Variants in UTP20 observed in about 807,000 individuals in gnomAD.
UTP20 encodes the protein small subunit processome component 20 homolog.
UTP20 carries 164 observed loss-of-function variants against 329.5 expected under a neutral mutation model. The observed-to-expected ratio is 0.50, with a 90% CI of 0.44 to 0.57. The LOEUF (loss-of-function observed/expected upper bound fraction) is 0.57, where lower values mean the gene tolerates loss of function less well. Among genes scored for constraint, UTP20 ranks in the 20% least tolerant of loss-of-function variants. UTP20 has a pLI of 0.00. For missense variants in UTP20, 3,055 were observed against 3,284.2 expected (o/e 0.93, Z 1.71); for synonymous variants, 1,151 against 1,159.3 (o/e 0.99, Z 0.14).
intron 40 of UTP20, 32 bp downstream of exon 40, chr12:101,353,161 T>G (rs1798855791): frequency 2.1e-6 from 3 of 1,445,208 alleles, no homozygotes; most frequent in Non-Finnish European, 2.9e-6. Flanking sequence ...AAACAAGATT[T>G]TCATCTTATT....
intron 28 of UTP20, 108 bp from the exon 29 acceptor site, chr12:101,334,317 C>T: frequency 4.6e-6 from 4 of 877,920 alleles, no homozygotes; most frequent in East Asian, 2.7e-5. Context: ...ATCTCTGTCC[C>T]TTGTCTTTTT....
chr12:101,385,905 T>C (rs1290579679), intron 61 of UTP20, 63 bp from the exon 62 acceptor site: 6 of 1,462,452 alleles, frequency 4.1e-6, no homozygotes, highest in Non-Finnish European at 5.5e-6. Flanking sequence ...ATTTCTGTAT[T>C]TGATTCTTAT....
Position 101,311,801 on chromosome 12 carries a change from A to G in UTP20, c.2311+3A>G. 6.2e-7 allele frequency: 1 copy of G among 1,609,758 alleles called. No homozygotes were observed. Among genetic ancestry groups the G allele is most frequent in the Non-Finnish European group, 8.5e-7 (1 of 1,178,934 alleles). ...AGAAAAAGCAGCTACGCATGCTGGT[A>G]TGTAAAGGGGTTGTGAGGAAGCTGC... On this transcript the variant is annotated splice_donor_region_variant and intron_variant, in intron 20 of 61. Transcript: ENST00000261637.
At chr12:101,283,016 T>A (rs1482656099) in intron 2 of UTP20, among the ~76,000 whole-genome samples, 1 of 152,224 alleles carries the variant, frequency 6.6e-6, no homozygotes, top group Non-Finnish European at 1.5e-5. Flanking sequence ...AAAGATAAGA[T>A]AATTAGTTCC....
intron 29 of UTP20, among the ~76,000 whole-genome samples, chr12:101,336,277 G>A (rs1868932261): frequency 6.6e-6 from 1 of 152,140 alleles, no homozygotes; most frequent in Non-Finnish European, 1.5e-5. Flanking sequence ...CCTTCAATGG[G>A]AATGTTACTT....
chr12:101,375,003 A>T (rs183154155), intron 55 of UTP20, 64 bp downstream of exon 55: 6 of 1,182,472 alleles, frequency 5.1e-6, no homozygotes, highest in Non-Finnish European at 7.5e-6. Context: ...TGATGTAGCT[A>T]ACAGATTAGA....
At chr12:101,355,793 T>C (rs1019577774) in intron 41 of UTP20, among the ~76,000 whole-genome samples, 1 of 152,182 alleles carries the variant, frequency 6.6e-6, no homozygotes, top group Non-Finnish European at 1.5e-5. Flanking sequence ...TATTTATTTA[T>C]ATTTTGTATA....
chr12:101,345,494 T>G, intron 36 of UTP20, 60 bp from the exon 37 acceptor site: 3 of 1,097,166 alleles, frequency 2.7e-6, no homozygotes, highest in Non-Finnish European at 3.8e-6. Flanking sequence ...TTCTGTTTCC[T>G]CATATTAGAA....
At chr12:101,343,306 A>AGC (rs1480434686) in intron 35 of UTP20, among the ~76,000 whole-genome samples, 5 of 152,318 alleles carry the variant, frequency 3.3e-5, no homozygotes, top group East Asian at 1.9e-4. Flanking sequence ...TACATATGAA[A>AGC]GCATTTTGAA....
chr12:101,357,049 A>G lies in UTP20; in HGVS notation c.5658A>G (p.Lys1886=), dbSNP rs1869748539. Reference sequence around the variant, plus strand: ...TGCACTTCCTCCTATATGTTTTAAAAGAATTACAGACTACTCTTGTCCGTG... The same window carrying G: ...TGCACTTCCTCCTATATGTTTTAAAGGAATTACAGACTACTCTTGTCCGTG... ...LGVHFLLYVL[K]ELQTTLVRGY... Residue 1886 remains lysine (K), a synonymous_variant, in exon 43 of 62, where the codon AAA becomes AAG. Coordinates refer to ENST00000261637, the MANE Select transcript of UTP20 (RefSeq NM_014503.3). 1 of 1,613,486 alleles carries G rather than the reference A, an allele frequency of 6.2e-7. No individual in the cohort carries two copies. The highest frequency in any genetic ancestry group is 1.7e-5 in the Admixed American group (1 of 59,884).
At chr12:101,290,053 T>C in intron 6 of UTP20, 84 bp from the exon 7 acceptor site, 1 of 1,078,906 alleles carries the variant, frequency 9.3e-7, no homozygotes, top group Non-Finnish European at 1.3e-6. Flanking sequence ...TAAATAACAA[T>C]ATATAGAATA....
chr12:101,364,541 G>C (rs922656170), intron 45 of UTP20, among the ~76,000 whole-genome samples: 7 of 152,142 alleles, frequency 4.6e-5, no homozygotes, highest in African/African-American at 1.7e-4. Context: ...TCTGATCCAA[G>C]TTCACATTCC....
At chr12:101,351,726 G>C (rs1869535820) in intron 38 of UTP20, among the ~76,000 whole-genome samples, 1 of 151,796 alleles carries the variant, frequency 6.6e-6, no homozygotes, top group Non-Finnish European at 1.5e-5. Context: ...GTACTTTTGA[G>C]GGCTGAGTAG....
At position 101,361,983 on chromosome 12, in the gene UTP20, G is replaced by A. The variant is rs76643734; in HGVS notation, c.5713G>A (p.Val1905Ile). The change falls in exon 44 of 62, where the codon GTT becomes ATT. Residue 1905 changes from valine (V) to isoleucine (I), a missense_variant. By Grantham distance (29) the Val-to-Ile change is conservative (BLOSUM62 3). This residue lies in a region of UTP20 where 2,445 missense variants were observed against 2,575.5 expected (regional missense o/e 0.95). Coordinates refer to ENST00000261637, the MANE Select transcript of UTP20 (RefSeq NM_014503.3). ...GYQVHVLTFT[V>I]HMLLQGLTNK... is the part of the protein sequence containing the mutation. ...TTAGGTCCATGTGCTGACTTTCACCGTTCACATGCTGCTGCAAGGCCTCAC... is the reference window on the plus strand; with the variant it reads ...TTAGGTCCATGTGCTGACTTTCACCATTCACATGCTGCTGCAAGGCCTCAC... 3.9e-4 allele frequency: 623 copies of A among 1,613,364 alleles called. 2 individuals are homozygous for A. In the African/African-American group the frequency reaches 5.2e-3, roughly 13 times the overall value.
intron 17 of UTP20, among the ~76,000 whole-genome samples, chr12:101,307,422 A>C (rs1872670729): frequency 6.6e-6 from 1 of 151,782 alleles, no homozygotes; most frequent in Non-Finnish European, 1.5e-5. Flanking sequence ...TGTCACCTAG[A>C]CTGGAATGCA....
intron 54 of UTP20, 99 bp from the exon 55 acceptor site, chr12:101,374,709 C>G: frequency 1.5e-6 from 1 of 679,158 alleles, no homozygotes; most frequent in Non-Finnish European, 2.5e-6. Flanking sequence ...TTTATTTTCT[C>G]TGAATGTTGA....
chr12:101,318,832 A>G (rs561134066), intron 22 of UTP20, among the ~76,000 whole-genome samples: 3 of 33,492 alleles, frequency 9.0e-5, no homozygotes, highest in South Asian at 2.4e-3. Flanking sequence ...CTCCATCTTG[A>G]AAAAAAAAAA....
At chr12:101,291,540 CAAAAAAA>C (rs34248827) in intron 8 of UTP20, 195 bp from the exon 9 acceptor site, 3 of 77,176 alleles carry the variant, frequency 3.9e-5, no homozygotes, top group Admixed American at 2.0e-4. Context: ...AACTCCATCT[CAAAAAAA>C]AAAAAAAAAA....
At chr12:101,283,289 T>C (rs1330105011) in intron 2 of UTP20, among the ~76,000 whole-genome samples, 1 of 152,236 alleles carries the variant, frequency 6.6e-6, no homozygotes, top group African/African-American at 2.4e-5. Flanking sequence ...CAGTTGGCTG[T>C]GGCTTGTTGA....
Sources: gnomAD v4.1 joint callset for allele counts (sites outside exome capture counted in the v4.1 genomes callset) on GRCh38, gnomAD v4.1.1 for gene constraint, gnomAD v4.1.1 regional missense constraint, MANE v1.5 for transcripts, NCBI Gene and HGNC (gene_info 2026-07-23, HGNC 2026-07-21) for gene names.